The following TRAF3IP1 variants were observed in gnomAD, a reference collection of about 807,000 sequenced individuals.
TRAF3IP1 encodes TRAF3-interacting protein 1.
In TRAF3IP1, 53 loss-of-function variants were observed where a neutral mutation model predicts 89.9. The observed-to-expected ratio is 0.59, with a 90% CI of 0.47 to 0.74. The LOEUF (loss-of-function observed/expected upper bound fraction) is 0.74. Among genes scored for constraint, TRAF3IP1 ranks in the 30% least tolerant of loss-of-function variants. TRAF3IP1 has a pLI of 0.00. For missense variants in TRAF3IP1, 806 were observed against 866.1 expected, an observed-to-expected ratio of 0.93 and a Z score of 0.87; for synonymous variants, 311 against 322.1, an observed-to-expected ratio of 0.97 and a Z score of 0.37.
At chr2:238,362,989 A>G (rs1316765904) in intron 15 of TRAF3IP1, among the ~76,000 whole-genome samples, 1 of 152,216 alleles carries the variant, frequency 6.6e-6, no homozygotes, top group Non-Finnish European at 1.5e-5. Flanking sequence ...CATGTCTTAC[A>G]GTCATGGCAT....
At chr2:238,325,154 C>A in intron 1 of TRAF3IP1, 152 bp from the exon 2 acceptor site, 2 of 741,014 alleles carry the variant, frequency 2.7e-6, no homozygotes, top group Non-Finnish European at 4.7e-6. Flanking sequence ...CTGCACAGCA[C>A]GTGTAGTAGA....
chr2:238,343,528 C>G (rs1432509938), intron 8 of TRAF3IP1, among the ~76,000 whole-genome samples: 1 of 151,854 alleles, frequency 6.6e-6, no homozygotes, highest in Non-Finnish European at 1.5e-5. Flanking sequence ...ACTACAGGCA[C>G]CTGCCACCAT....
intron 15 of TRAF3IP1, among the ~76,000 whole-genome samples, chr2:238,387,080 G>A (rs1220187493): frequency 6.6e-6 from 1 of 152,186 alleles, no homozygotes; most frequent in Non-Finnish European, 1.5e-5. Context: ...GATGAGACAG[G>A]CGTTACACCC....
At position 238,332,801 on chromosome 2, in the gene TRAF3IP1, T is replaced by G. The variant is rs755876893; in HGVS notation, c.916-23T>G. ...TATGGATTGGAATAATTCTAAAGTT[T>G]GAATTTTTTTTTTTTTTAATAGTCA... is the stretch of plus-strand genomic sequence containing the variant. On this transcript the variant is annotated intron_variant, in intron 5 of 16. Transcript: ENST00000373327. 4 of 1,556,536 alleles carry G rather than the reference T, an allele frequency of 2.6e-6. 1 individual carries two copies. In the South Asian group the frequency reaches 3.5e-5, roughly 13 times the overall value.
intron 8 of TRAF3IP1, among the ~76,000 whole-genome samples, chr2:238,339,622 C>T (rs1343229234): frequency 3.9e-5 from 6 of 152,232 alleles, no homozygotes; most frequent in African/African-American, 1.4e-4. Context: ...GCCTCATGGC[C>T]TTGAGCCAGC....
At chr2:238,366,276 A>G (rs1699871808) in intron 15 of TRAF3IP1, among the ~76,000 whole-genome samples, 1 of 152,210 alleles carries the variant, frequency 6.6e-6, no homozygotes, top group South Asian at 2.1e-4. Flanking sequence ...CATTTAAAAT[A>G]TTTATAAACA....
chr2:238,339,039 A>G lies in TRAF3IP1; in HGVS notation c.1159+582A>G, dbSNP rs77168658. On this transcript the variant is annotated intron_variant, in intron 8 of 16. Transcript: ENST00000373327. ...AGAATTCTTCAGTTTCACTTAAGGT[A>G]AAAATAGTGTAAAATTAGACTTTAG... is the stretch of plus-strand genomic sequence containing the variant. 3.2e-3 allele frequency among the ~76,000 whole-genome samples: 480 copies of G among 152,352 alleles called. 6 individuals are homozygous for G. Among genetic ancestry groups the G allele is most frequent in the Admixed American group, 8.4e-3 (128 of 15,304 alleles).
At chr2:238,361,522 T>C (rs1358829461) in intron 15 of TRAF3IP1, among the ~76,000 whole-genome samples, 3 of 152,130 alleles carry the variant, frequency 2.0e-5, no homozygotes, top group African/African-American at 4.8e-5. Context: ...GGTCTCTGCG[T>C]GGTCTGGAAG....
At position 238,379,023 on chromosome 2, in the gene TRAF3IP1, A is replaced by C. The variant is rs985321777; in HGVS notation, c.1690-18436A>C. 1.3e-5 allele frequency among the ~76,000 whole-genome samples: 2 copies of C among 152,206 alleles called. No individual in the cohort carries two copies. Among genetic ancestry groups the C allele is most frequent in the Non-Finnish European group, 2.9e-5 (2 of 68,038 alleles). ...GGACTCAGCGTTCGGTCCCCACCTC[A>C]GGCAGCCTGGCGCTGATGCTGATGC... On this transcript the variant is annotated intron_variant, in intron 15 of 16. Transcript: ENST00000373327. The surrounding 1 kb of genome is among the most constrained non-coding windows in gnomAD (Gnocchi z 4.0).
At chr2:238,348,910 T>G in intron 11 of TRAF3IP1, 62 bp downstream of exon 11, 1 of 1,395,128 alleles carries the variant, frequency 7.2e-7, no homozygotes, top group East Asian at 2.3e-5. Context: ...ACTGCTGTGC[T>G]TCTCTTTCTG....
chr2:238,378,420 A>C (rs1250228805), intron 15 of TRAF3IP1, among the ~76,000 whole-genome samples: 1 of 152,262 alleles, frequency 6.6e-6, no homozygotes, highest in East Asian at 1.9e-4. Context: ...CAAGGTTAAC[A>C]ACTGTCTTTT....
At chr2:238,373,034 C>T (rs1260131917) in intron 15 of TRAF3IP1, among the ~76,000 whole-genome samples, 2 of 151,954 alleles carry the variant, frequency 1.3e-5, no homozygotes, top group African/African-American at 4.8e-5. Flanking sequence ...GGATATTAGC[C>T]CTTTGTCAGA....
At chr2:238,367,892 G>T (rs530704567) in intron 15 of TRAF3IP1, among the ~76,000 whole-genome samples, 1 of 152,172 alleles carries the variant, frequency 6.6e-6, no homozygotes, top group Admixed American at 6.5e-5. Context: ...TCAGTGCGGG[G>T]TGGGCGCGTT....
chr2:238,359,849 G>A (rs563068310), intron 15 of TRAF3IP1, among the ~76,000 whole-genome samples: 4 of 152,270 alleles, frequency 2.6e-5, no homozygotes, highest in South Asian at 4.1e-4. Context: ...GATACGTTCC[G>A]ATGATAAAGT....
At chr2:238,380,310 C>G (rs1024346523) in intron 15 of TRAF3IP1, among the ~76,000 whole-genome samples, 1 of 152,182 alleles carries the variant, frequency 6.6e-6, no homozygotes, top group African/African-American at 2.4e-5. Context: ...CGTGGAGAAG[C>G]TGCTTACCTG....
chr2:238,372,751 G>T (rs556892785), intron 15 of TRAF3IP1, among the ~76,000 whole-genome samples: 81 of 152,324 alleles, frequency 5.3e-4, no homozygotes, highest in African/African-American at 1.9e-3. Flanking sequence ...GTCACCAACA[G>T]TGTAAAAGCA....
rs779874921 is a variant in TRAF3IP1 at position 238,329,191 on chromosome 2, G to T, written c.764G>T (p.Gly255Val). The T allele has an allele frequency of 5.7e-6, 9 of 1,568,760 alleles. No homozygotes were observed. The Admixed American group carries it at 6.0e-5, about 10-fold the overall frequency. Residue 255 changes from glycine to valine, a missense_variant, in exon 5 of 17, where the codon GGG (glycine) becomes GTG (valine). Physicochemically the swap from Gly to Val is moderately radical, Grantham distance 109 (BLOSUM62 -3). Around this residue, in one of 3 missense-constraint regions of TRAF3IP1, gnomAD observed 732 missense variants for 780.5 expected, o/e 0.94. Coordinates refer to ENST00000373327, the MANE Select transcript of TRAF3IP1 (RefSeq NM_015650.4). ...RKKETERKSE[G>V]GKEKERLRDR... ...AAGGAGACAGAGAGAAAGAGTGAGGGGGGGAAAGAGAAGGAGAGACTGAGA... is the reference window on the plus strand; with the variant it reads ...AAGGAGACAGAGAGAAAGAGTGAGGTGGGGAAAGAGAAGGAGAGACTGAGA...
chr2:238,395,248 T>G (rs879747728), intron 15 of TRAF3IP1, among the ~76,000 whole-genome samples: 1 of 152,190 alleles, frequency 6.6e-6, no homozygotes, highest in African/African-American at 2.4e-5. Context: ...AACCATCTGA[T>G]CTTTGACAAA....
chr2:238,338,261 G>C, intron 7 of TRAF3IP1, 101 bp from the exon 8 acceptor site: 1 of 629,056 alleles, frequency 1.6e-6, no homozygotes, highest in Non-Finnish European at 2.7e-6. Flanking sequence ...ACAGTTTGCT[G>C]GTGACCTTGG....
Sources: gnomAD v4.1 joint callset for allele counts (sites outside exome capture counted in the v4.1 genomes callset) on GRCh38, gnomAD v4.1.1 for gene constraint, gnomAD v4.1.1 regional missense constraint, Gnocchi (gnomAD v3.1) non-coding constraint, MANE v1.5 for transcripts, NCBI Gene and HGNC (gene_info 2026-07-23, HGNC 2026-07-21) for gene names.